APBB2: variants seen among roughly 807,000 people sequenced by gnomAD.
The protein encoded by APBB2 is Fe65-like 1.
A neutral mutation model predicts 82.5 loss-of-function variants in APBB2; 38 were observed. That is an observed-to-expected ratio of 0.46 (90% CI 0.36 to 0.60). The LOEUF (loss-of-function observed/expected upper bound fraction) is 0.60. Among genes scored for constraint, APBB2 ranks in the 20% least tolerant of loss-of-function variants. The probability of loss-of-function intolerance (pLI) is 0.00; values close to 1 mark genes in which losing one functional copy is unlikely to be tolerated. For synonymous variants in APBB2, 341 were observed against 368.2 expected (o/e 0.93, Z 0.85); for missense variants, 772 against 972.3 (o/e 0.79, Z 2.74).
chr4:41,146,982 C>T (rs1380885351), intron 1 of APBB2, among the ~76,000 whole-genome samples: 5 of 152,210 alleles, frequency 3.3e-5, no homozygotes, highest in Admixed American at 1.3e-4. Context: ...AATGCTTTTT[C>T]TCCACCCAAA....
chr4:41,014,460 G>A, intron 5 of APBB2, 62 bp from the exon 6 acceptor site: 2 of 1,440,148 alleles, frequency 1.4e-6, no homozygotes, highest in East Asian at 2.4e-5. Context: ...TACAGTGTGA[G>A]TAAATATTTT....
chr4:40,986,445 T>C (rs528574858), intron 6 of APBB2, among the ~76,000 whole-genome samples: 67 of 152,354 alleles, frequency 4.4e-4, no homozygotes, highest in Non-Finnish European at 9.0e-4. Context: ...TTTAGTGAAT[T>C]AGCCCAAGTA....
intron 6 of APBB2, among the ~76,000 whole-genome samples, chr4:40,991,133 C>T (rs1253269412): frequency 1.3e-5 from 2 of 149,256 alleles, no homozygotes; most frequent in Non-Finnish European, 3.0e-5. Flanking sequence ...CAGATGTGTG[C>T]CACTACGCAT....
At chr4:40,970,945 C>A (rs527327115) in intron 6 of APBB2, among the ~76,000 whole-genome samples, 60 of 152,284 alleles carry the variant, frequency 3.9e-4, no homozygotes, top group African/African-American at 1.4e-3. Context: ...CCTATGTCTT[C>A]TAAGAATTCT....
At chr4:41,191,453 G>A (rs879789039) in intron 1 of APBB2, among the ~76,000 whole-genome samples, 2 of 152,072 alleles carry the variant, frequency 1.3e-5, no homozygotes, top group African/African-American at 2.4e-5. Flanking sequence ...AAATCCAAGT[G>A]TGAAAGAAGA....
intron 10 of APBB2, among the ~76,000 whole-genome samples, chr4:40,900,216 T>C (rs763969484): frequency 2.0e-5 from 3 of 152,174 alleles, no homozygotes; most frequent in Non-Finnish European, 2.9e-5. Flanking sequence ...CAATAACAAC[T>C]GTGTATTCGC....
chr4:41,187,320 C>T (rs1468900425), intron 1 of APBB2, among the ~76,000 whole-genome samples: 2 of 152,036 alleles, frequency 1.3e-5, no homozygotes, highest in Admixed American at 1.3e-4. Context: ...AAAAACCATG[C>T]CATTTTTATA....
chr4:40,978,576 GA>G (rs147270149), intron 6 of APBB2, among the ~76,000 whole-genome samples: 7,284 of 151,494 alleles, frequency 0.048, 596 homozygotes, highest in African/African-American at 0.17. Flanking sequence ...TTTTCCTTGG[GA>G]AAAAAAAGCG....
chr4:41,115,290 AC>A (rs1750603256), intron 2 of APBB2, among the ~76,000 whole-genome samples: 1 of 152,172 alleles, frequency 6.6e-6, no homozygotes, highest in Non-Finnish European at 1.5e-5. Context: ...CTGAAACTGG[AC>A]CCTCTCCTTA....
intron 12 of APBB2, among the ~76,000 whole-genome samples, chr4:40,841,835 C>A (rs1048781461): frequency 6.6e-6 from 1 of 152,150 alleles, no homozygotes; most frequent in Non-Finnish European, 1.5e-5. Context: ...CCCACCACCA[C>A]GCCTAGCTAA....
intron 12 of APBB2, among the ~76,000 whole-genome samples, chr4:40,877,664 G>A (rs1425825573): frequency 6.6e-6 from 1 of 152,156 alleles, no homozygotes; most frequent in Non-Finnish European, 1.5e-5. Flanking sequence ...CACCTGCTGG[G>A]ACAGACCTGG....
At chr4:40,935,265 A>G (rs1397869599) in intron 7 of APBB2, 126 bp from the exon 8 acceptor site, 6 of 687,374 alleles carry the variant, frequency 8.7e-6, no homozygotes, top group Admixed American at 3.1e-5. Flanking sequence ...TTAGGGAACA[A>G]GTTAACTCTA....
chr4:41,144,691 A>C (rs1760197861), intron 1 of APBB2, among the ~76,000 whole-genome samples: 1 of 152,246 alleles, frequency 6.6e-6, no homozygotes, highest in South Asian at 2.1e-4. Context: ...GTGATGAACA[A>C]CACTTTCCTA....
At chr4:40,954,502 C>G (rs1377867940) in intron 6 of APBB2, among the ~76,000 whole-genome samples, 1 of 152,092 alleles carries the variant, frequency 6.6e-6, no homozygotes, top group East Asian at 1.9e-4. Context: ...AACTGCACAC[C>G]CGGCCTAAGA....
rs1553914533 is a variant in APBB2, at chr4:41,025,960, A to AAG, written c.19+7275_19+7276insCT. On this transcript the variant is annotated intron_variant, in intron 5 of 17. Transcript: ENST00000508593. ...CCATCTCCACAAAAAAAAAAAAAAA[A>AAG]AAAGAAAAAAAGGAAAATGTGGTAC... Among the ~76,000 whole-genome samples the AAG allele has an allele frequency of 2.9e-4, 43 of 150,264 alleles. 1 individual carries two copies. The highest frequency in any genetic ancestry group is 1.0e-3 in the African/African-American group (41 of 40,308).
chr4:40,895,226 T>C (rs1198597819), intron 10 of APBB2, among the ~76,000 whole-genome samples: 1 of 151,846 alleles, frequency 6.6e-6, no homozygotes, highest in Non-Finnish European at 1.5e-5. Flanking sequence ...ACAGCCCGTT[T>C]AAGCAAACAG....
intron 2 of APBB2, chr4:41,118,247 A>C (rs992270039): frequency 1.3e-5 from 2 of 152,184 alleles, no homozygotes; most frequent in Non-Finnish European, 2.9e-5. Flanking sequence ...AAAAACCCTA[A>C]GGAAATCTGA....
intron 10 of APBB2, among the ~76,000 whole-genome samples, chr4:40,915,205 C>T (rs2154365062): frequency 6.6e-6 from 1 of 152,332 alleles, no homozygotes; most frequent in South Asian, 2.1e-4. Context: ...CCCAATCTAC[C>T]TGCTTCCCTC....
At chr4:41,207,427 C>A (rs1030601132) in intron 1 of APBB2, among the ~76,000 whole-genome samples, 1 of 152,078 alleles carries the variant, frequency 6.6e-6, no homozygotes, top group Non-Finnish European at 1.5e-5. Flanking sequence ...ATGGCTTTCA[C>A]CCATCACCAT....
Sources: allele counts gnomAD v4.1 joint callset (sites outside exome capture counted in the v4.1 genomes callset), GRCh38; gene constraint gnomAD v4.1.1; transcripts MANE v1.5; gene names NCBI Gene and HGNC (gene_info 2026-07-23, HGNC 2026-07-21).